Variants in LRRC18 observed in about 807,000 individuals in gnomAD.
LRRC18 encodes leucine-rich repeat-containing protein 18.
LRRC18 carries 12 observed loss-of-function variants against 11.2 expected under a neutral mutation model. The observed-to-expected ratio is 1.07, with a 90% confidence interval of 0.69 to 1.74. The LOEUF (loss-of-function observed/expected upper bound fraction) is 1.74. LRRC18 is among the 40% of genes most tolerant of loss of function. LRRC18 has a pLI of 0.00. For synonymous variants in LRRC18, 155 were observed against 130.6 expected (o/e 1.19, Z -1.27); for missense variants, 374 against 330.5 (o/e 1.13, Z -1.02).
chr10:48,930,754 T>C, the LRRC18 span, among the ~76,000 whole-genome samples: 2 of 151,998 alleles, frequency 1.3e-5, no homozygotes, highest in East Asian at 1.9e-4. Context: ...TAATGTGTAA[T>C]CATAGAATGA....
chr10:48,919,305 A>G, the LRRC18 span, among the ~76,000 whole-genome samples: 39 of 152,350 alleles, frequency 2.6e-4, no homozygotes, highest in African/African-American at 8.4e-4. Flanking sequence ...AGGAACTTAG[A>G]TAAGATCAAC....
At chr10:48,933,732 C>G in the LRRC18 span, among the ~76,000 whole-genome samples, 1 of 152,100 alleles carries the variant, frequency 6.6e-6, no homozygotes, top group Admixed American at 6.5e-5. Context: ...TGGCAATGGG[C>G]TGAGAGTTGG....
chr10:48,916,244 C>T (rs949015845), upstream of LRRC18, among the ~76,000 whole-genome samples: 10 of 152,214 alleles, frequency 6.6e-5, no homozygotes, highest in African/African-American at 2.2e-4. Flanking sequence ...GAACACAAAA[C>T]TTTGCACCAG....
upstream of LRRC18, among the ~76,000 whole-genome samples, chr10:48,916,978 G>C (rs1295509045): frequency 6.6e-6 from 1 of 151,944 alleles, no homozygotes; most frequent in Non-Finnish European, 1.5e-5. Context: ...TGTCCCATAA[G>C]ATTGTGATAC....
At chr10:48,928,723 C>T in the LRRC18 span, among the ~76,000 whole-genome samples, 1 of 152,194 alleles carries the variant, frequency 6.6e-6, no homozygotes, top group Non-Finnish European at 1.5e-5. Context: ...CACTGGAGCA[C>T]CCCATCTGCC....
the LRRC18 span, among the ~76,000 whole-genome samples, chr10:48,928,063 G>A: frequency 6.6e-6 from 1 of 152,180 alleles, no homozygotes; most frequent in Non-Finnish European, 1.5e-5. Flanking sequence ...CACCCAATGT[G>A]TTTTAAGCGC....
the LRRC18 span, among the ~76,000 whole-genome samples, chr10:48,939,072 G>A: frequency 6.6e-6 from 1 of 152,188 alleles, no homozygotes; most frequent in African/African-American, 2.4e-5. Context: ...AAACCCTGAG[G>A]AGCTTCTCAG....
chr10:48,913,355 T>C, intron 1 of LRRC18, 37 bp downstream of exon 3: 1 of 1,588,014 alleles, frequency 6.3e-7, no homozygotes, highest in Non-Finnish European at 8.6e-7. Context: ...CCTCCCTCTC[T>C]CTTTCCCTTC....
At chr10:48,913,331 C>G in intron 1 of LRRC18, 61 bp downstream of exon 3, 17 of 1,513,110 alleles carry the variant, frequency 1.1e-5, no homozygotes, top group Non-Finnish European at 1.5e-5. Context: ...TGGAGGTAGC[C>G]CACTGCCCTC....
chr10:48,939,406 G>A, the LRRC18 span, among the ~76,000 whole-genome samples: 5 of 152,198 alleles, frequency 3.3e-5, no homozygotes, highest in South Asian at 2.1e-4. Context: ...TGGCAAATCA[G>A]AGCGGCTTGC....
chr10:48,912,057 G>GA (rs749252401), intron 1 of LRRC18, among the ~76,000 whole-genome samples: 1 of 152,156 alleles, frequency 6.6e-6, no homozygotes. Context: ...AGTCCTGGGG[G>GA]AAAAAAGCCT....
upstream of LRRC18, among the ~76,000 whole-genome samples, chr10:48,916,526 G>A (rs1838550654): frequency 6.6e-6 from 1 of 152,128 alleles, no homozygotes; most frequent in Non-Finnish European, 1.5e-5. Flanking sequence ...GGGTTGCTTT[G>A]TTTTCTCTAC....
At chr10:48,928,620 C>T in the LRRC18 span, among the ~76,000 whole-genome samples, 91 of 152,184 alleles carry the variant, frequency 6.0e-4, no homozygotes, top group African/African-American at 2.2e-3. Context: ...CAGGCCCCCT[C>T]GTATCATGCT....
At position 48,913,642 on chromosome 10, in the gene LRRC18, G is replaced by C. The variant is rs774315331; in HGVS notation, c.514C>G (p.Leu172Val). The change falls in exon 1 of 2, where the codon CTC becomes GTC. Residue 172 changes from leucine to valine, a missense_variant. Transcript: ENST00000374160. ...GGAAAGGGGTTCCGCTTTATGTTGA[G>C]CTTTTTCAGCTTGGGGAGCTTGGAG... 5 of 1,613,800 alleles carry C rather than the reference G, an allele frequency of 3.1e-6. No individual in the cohort carries two copies. The highest frequency in any genetic ancestry group is 4.2e-6 in the Non-Finnish European group (5 of 1,179,898).
At chr10:48,935,378 C>A in the LRRC18 span, among the ~76,000 whole-genome samples, 3 of 152,222 alleles carry the variant, frequency 2.0e-5, no homozygotes, top group African/African-American at 7.2e-5. Flanking sequence ...GGGCTCACCC[C>A]CTGTGATTCC....
chr10:48,920,465 A>G, the LRRC18 span, among the ~76,000 whole-genome samples: 4 of 152,206 alleles, frequency 2.6e-5, no homozygotes, highest in Admixed American at 6.5e-5. Flanking sequence ...ATGTATACAT[A>G]TGTAACTAAC....
At chr10:48,923,496 G>GTATATATA in the LRRC18 span, among the ~76,000 whole-genome samples, 182 of 63,246 alleles carry the variant, frequency 2.9e-3, 16 homozygotes, top group African/African-American at 6.0e-3. Context: ...ATAGTTTTTA[G>GTATATATA]TATATATATA....
chr10:48,914,251 A>C, upstream of LRRC18: 1 of 1,366,992 alleles, frequency 7.3e-7, no homozygotes, highest in Non-Finnish European at 9.9e-7. Flanking sequence ...AGATAAGAAA[A>C]CATCTGGTTA....
intron 1 of LRRC18, among the ~76,000 whole-genome samples, chr10:48,911,801 CACTT>C (rs1288237450): frequency 1.3e-5 from 2 of 152,226 alleles, no homozygotes; most frequent in African/African-American, 4.8e-5. Flanking sequence ...CAATGAAAAA[CACTT>C]AATAAAGGGA....
Sources: allele counts gnomAD v4.1 joint callset (sites outside exome capture counted in the v4.1 genomes callset), GRCh38; gene constraint gnomAD v4.1.1; transcripts MANE v1.5; gene names NCBI Gene and HGNC (gene_info 2026-07-23, HGNC 2026-07-21).